Variants in PPM1H observed in about 807,000 individuals in gnomAD.
The protein encoded by PPM1H is protein phosphatase, Mg2+/Mn2+ dependent 1H.
A neutral mutation model predicts 54.9 loss-of-function variants in PPM1H; 27 were observed. The observed-to-expected ratio is 0.49, with a 90% CI of 0.36 to 0.68. PPM1H has a LOEUF of 0.68. Among genes scored for constraint, PPM1H ranks in the 30% least tolerant of loss-of-function variants. The probability of loss-of-function intolerance (pLI) is 0.00; values close to 1 mark genes in which losing one functional copy is unlikely to be tolerated. For synonymous variants in PPM1H, 305 were observed against 270.8 expected, an observed-to-expected ratio of 1.13 and a Z score of -1.24; for missense variants, 596 against 667.8, an observed-to-expected ratio of 0.89 and a Z score of 1.19.
chr12:62,769,239 A>G (rs337520), intron 4 of PPM1H, among the ~76,000 whole-genome samples: 56,266 of 152,106 alleles, frequency 0.37, 11,842 homozygotes, highest in African/African-American at 0.57. Flanking sequence ...AGCCCTAAGA[A>G]GCTCTGATCC....
intron 6 of PPM1H, among the ~76,000 whole-genome samples, chr12:62,696,432 C>A (rs1426200001): frequency 2.0e-5 from 3 of 152,326 alleles, no homozygotes; most frequent in Admixed American, 2.0e-4. Flanking sequence ...CACTCCCTCT[C>A]CCCCAGCAAC....
At chr12:62,825,935 G>A (rs1052534914) in intron 2 of PPM1H, among the ~76,000 whole-genome samples, 9 of 151,090 alleles carry the variant, frequency 6.0e-5, no homozygotes, top group Non-Finnish European at 1.3e-4. Flanking sequence ...TAAAAAAAAA[G>A]AGCTCAAACA....
chr12:62,913,228 G>A (rs1253495292), intron 1 of PPM1H, among the ~76,000 whole-genome samples: 3 of 152,206 alleles, frequency 2.0e-5, no homozygotes, highest in Non-Finnish European at 4.4e-5. Context: ...AAAAGGGAAT[G>A]TGGTGAGAAA....
rs527667194 is a variant in PPM1H, at chr12:62,706,450, A to G, written c.1074-12451T>C. 3.9e-5 allele frequency among the ~76,000 whole-genome samples: 6 copies of G among 152,384 alleles called. No individual in the cohort carries two copies. In the South Asian group the frequency reaches 1.0e-3, roughly 26 times the overall value. On this transcript the variant is annotated intron_variant, in intron 6 of 9. Transcript: ENST00000228705. ...CAGAGGATGGAGAGCAAAGGCAGCCATTGTTAAATTTTCTGCTGTCACCTC... is the reference window on the plus strand; with the variant it reads ...CAGAGGATGGAGAGCAAAGGCAGCCGTTGTTAAATTTTCTGCTGTCACCTC...
At chr12:62,883,489 C>T (rs995284384) in intron 1 of PPM1H, among the ~76,000 whole-genome samples, 14 of 152,142 alleles carry the variant, frequency 9.2e-5, no homozygotes, top group African/African-American at 3.4e-4. Context: ...CAAAGCAGGG[C>T]ATGAAGTATT....
chr12:62,748,242 CAA>C (rs528735701), intron 4 of PPM1H, among the ~76,000 whole-genome samples: 2 of 120,420 alleles, frequency 1.7e-5, no homozygotes, highest in African/African-American at 3.1e-5. Flanking sequence ...GACTCCGTCT[CAA>C]AAAAAAAAAA....
chr12:62,773,922 C>T (rs755706198), intron 4 of PPM1H, among the ~76,000 whole-genome samples: 2 of 152,210 alleles, frequency 1.3e-5, no homozygotes, highest in Non-Finnish European at 2.9e-5. Flanking sequence ...GAGCATCTTA[C>T]CTGTCTTCTG....
chr12:62,910,694 C>T (rs751105984), intron 1 of PPM1H, among the ~76,000 whole-genome samples: 16 of 152,084 alleles, frequency 1.1e-4, no homozygotes, highest in South Asian at 6.2e-4. Context: ...AGTTGCTTAG[C>T]GATATCTCTT....
chr12:62,772,825 G>T (rs1038457557), intron 4 of PPM1H, among the ~76,000 whole-genome samples: 2 of 152,302 alleles, frequency 1.3e-5, no homozygotes, highest in East Asian at 3.9e-4. Flanking sequence ...GGCAGTAGTA[G>T]CGGGAGGCGC....
At chr12:62,864,928 T>C (rs1324004102) in intron 1 of PPM1H, among the ~76,000 whole-genome samples, 1 of 152,238 alleles carries the variant, frequency 6.6e-6, no homozygotes, top group Non-Finnish European at 1.5e-5. Context: ...TTAGGATTAT[T>C]ACTTTTTAAA....
In PPM1H at chr12:62,755,243, A is replaced by C. The variant is rs1026779071; in HGVS notation, c.870-17657T>G. 5.1e-5 allele frequency: 37 copies of C among 720,376 alleles called. No homozygotes were observed. In the East Asian group the frequency reaches 8.7e-4, roughly 17 times the overall value. 44.6% of individuals were successfully genotyped at this position (720,376 alleles called of 1,614,324 possible). A position where few individuals can be genotyped will look rare whatever the true frequency, so the allele number is the denominator to read the frequency against. On this transcript the variant is annotated intron_variant, in intron 4 of 9. Transcript: ENST00000228705. Reference sequence around the variant, plus strand: ...GACACTACGGTGAAGGTGAAGATCAAAGTCAATGGATTTGGTTGTATTGGG... The same window carrying C: ...GACACTACGGTGAAGGTGAAGATCACAGTCAATGGATTTGGTTGTATTGGG...
intron 1 of PPM1H, among the ~76,000 whole-genome samples, chr12:62,889,284 G>C (rs1870698548): frequency 6.6e-6 from 1 of 152,094 alleles, no homozygotes; most frequent in Non-Finnish European, 1.5e-5. Flanking sequence ...AAGTTTAAAT[G>C]GGAAGGCAAA....
intron 1 of PPM1H, among the ~76,000 whole-genome samples, chr12:62,879,504 T>G (rs1300128308): frequency 2.6e-5 from 4 of 151,998 alleles, no homozygotes; most frequent in Non-Finnish European, 4.4e-5. Context: ...CAGCAAAATA[T>G]CATAAGGACA....
intron 2 of PPM1H, among the ~76,000 whole-genome samples, chr12:62,820,493 A>G (rs1453156959): frequency 6.6e-6 from 1 of 152,220 alleles, no homozygotes; most frequent in Admixed American, 6.5e-5. Context: ...ACCTCCCATT[A>G]GGGGCCGACT....
chr12:62,834,733 G>A (rs567857583), intron 1 of PPM1H, among the ~76,000 whole-genome samples: 16 of 152,278 alleles, frequency 1.1e-4, no homozygotes, highest in African/African-American at 3.1e-4. Context: ...GCTGAAGCTC[G>A]TAGTACAGAA....
rs922379039 is a variant in PPM1H, at chr12:62,646,399, G to A, written c.*2090C>T. On this transcript the variant is annotated 3_prime_UTR_variant, in exon 10 of 10. Coordinates refer to ENST00000228705, the MANE Select transcript of PPM1H (RefSeq NM_020700.2). The stretch of plus-strand genomic sequence containing the variant: ...GGCCCAGGAAAGCAAATAAATGAAA[G>A]ACGGTGGGGACACAGGAAGGATCCC... 1 of 152,196 alleles carries A rather than the reference G, an allele frequency of 6.6e-6. No homozygotes were observed. Among genetic ancestry groups the A allele is most frequent in the African/African-American group, 2.4e-5 (1 of 41,412 alleles). 9.4% of individuals were successfully genotyped at this position (152,196 alleles called of 1,614,324 possible). A position where few individuals can be genotyped will look rare whatever the true frequency, so the allele number is the denominator to read the frequency against.
At chr12:62,649,918 A>C (rs1315005302) in intron 9 of PPM1H, among the ~76,000 whole-genome samples, 1 of 152,214 alleles carries the variant, frequency 6.6e-6, no homozygotes, top group Admixed American at 6.5e-5. Context: ...CTGGTAAATC[A>C]TCAAGATAAT....
intron 1 of PPM1H, among the ~76,000 whole-genome samples, chr12:62,896,124 G>A (rs1870978756): frequency 1.3e-5 from 2 of 152,108 alleles, no homozygotes; most frequent in Admixed American, 1.3e-4. Context: ...CAGATGATGT[G>A]AATACCGGCT....
intron 2 of PPM1H, among the ~76,000 whole-genome samples, chr12:62,825,433 C>T (rs543637714): frequency 1.8e-4 from 27 of 152,268 alleles, no homozygotes; most frequent in African/African-American, 5.8e-4. Context: ...CACATGCACA[C>T]GTATGTTTAT....
Sources: gnomAD v4.1 joint callset for allele counts (sites outside exome capture counted in the v4.1 genomes callset) on GRCh38, gnomAD v4.1.1 for gene constraint, MANE v1.5 for transcripts, NCBI Gene and HGNC (gene_info 2026-07-23, HGNC 2026-07-21) for gene names.